Variants in SLC12A2 observed in about 807,000 individuals in gnomAD.
SLC12A2 encodes solute carrier family 12 member 2.
In SLC12A2, 67 loss-of-function variants were observed where a neutral mutation model predicts 136.3. The observed-to-expected ratio is 0.49, with a 90% CI of 0.40 to 0.60. The LOEUF (loss-of-function observed/expected upper bound fraction) is 0.60. Among genes scored for constraint, SLC12A2 ranks in the 20% least tolerant of loss-of-function variants. The pLI is 0.00. For missense variants in SLC12A2, 1,322 were observed against 1,534.7 expected, an observed-to-expected ratio of 0.86 and a Z score of 2.32; for synonymous variants, 619 against 562.9, an observed-to-expected ratio of 1.10 and a Z score of -1.41.
intron 14 of SLC12A2, 152 bp from the exon 15 acceptor site, chr5:128,152,554 G>A: frequency 1.7e-6 from 1 of 604,472 alleles, no homozygotes; most frequent in Middle Eastern, 3.4e-4. Context: ...TTAATATCTT[G>A]CTGTATATGT....
At chr5:128,154,639 G>C (rs1168679504) in intron 15 of SLC12A2, among the ~76,000 whole-genome samples, 1 of 152,084 alleles carries the variant, frequency 6.6e-6, no homozygotes, top group Non-Finnish European at 1.5e-5. Context: ...ATCCACAGGG[G>C]TTGTGTTCCA....
intron 6 of SLC12A2, among the ~76,000 whole-genome samples, chr5:128,135,119 A>C (rs933723829): frequency 6.6e-5 from 10 of 152,070 alleles, no homozygotes; most frequent in Non-Finnish European, 1.5e-4. Flanking sequence ...ATGAGTGTTC[A>C]GGTTTATTGA....
At chr5:128,167,504 T>C (rs1171251666) in intron 17 of SLC12A2, among the ~76,000 whole-genome samples, 2 of 152,148 alleles carry the variant, frequency 1.3e-5, no homozygotes, top group East Asian at 3.8e-4. Flanking sequence ...TGGTAGATCA[T>C]AAAAGTACAA....
At chr5:128,147,877 G>A (rs1244224502) in intron 11 of SLC12A2, 148 bp downstream of exon 11, 7 of 431,152 alleles carry the variant, frequency 1.6e-5, no homozygotes, top group Non-Finnish European at 2.9e-5. Flanking sequence ...GATATACATA[G>A]TTAATTTTAT....
At chr5:128,137,839 G>A (rs1240756215) in intron 7 of SLC12A2, among the ~76,000 whole-genome samples, 2 of 152,154 alleles carry the variant, frequency 1.3e-5, no homozygotes, top group African/African-American at 2.4e-5. Flanking sequence ...TGACTAGACA[G>A]CAGAGAAAGC....
chr5:128,123,598 CA>C (rs1478111901), intron 4 of SLC12A2, among the ~76,000 whole-genome samples: 1 of 152,124 alleles, frequency 6.6e-6, no homozygotes, highest in Non-Finnish European at 1.5e-5. Context: ...GGTATCTTCT[CA>C]TGTACTATAA....
chr5:128,172,460 A>G (rs1322514723), intron 19 of SLC12A2, among the ~76,000 whole-genome samples: 3 of 152,344 alleles, frequency 2.0e-5, no homozygotes, highest in East Asian at 3.9e-4. Flanking sequence ...TGCAATAAAG[A>G]TACAGAACTG....
At chr5:128,133,079 T>A (rs1203843299) in intron 5 of SLC12A2, among the ~76,000 whole-genome samples, 1 of 152,118 alleles carries the variant, frequency 6.6e-6, no homozygotes, top group Admixed American at 6.5e-5. Flanking sequence ...TTTTTTCAAG[T>A]AATTCTCAGA....
Position 128,085,360 on chromosome 5 carries a change from C to T in SLC12A2, c.756+650C>T, listed in dbSNP as rs182580600. On this transcript the variant is annotated intron_variant, in intron 1 of 26. Coordinates refer to ENST00000262461, the MANE Select transcript of SLC12A2 (RefSeq NM_001046.3). ...AGGTGTATATTTAAAAAAAAAGGGA[C>T]AGAGGCGAGTCTTTAAAGAAAAAAG... 2.0e-5 allele frequency among the ~76,000 whole-genome samples: 3 copies of T among 151,596 alleles called. No individual in the cohort carries two copies. The East Asian group carries it at 5.8e-4, about 29-fold the overall frequency.
At chr5:128,121,591 G>T (rs1268200049) in intron 4 of SLC12A2, among the ~76,000 whole-genome samples, 1 of 152,046 alleles carries the variant, frequency 6.6e-6, no homozygotes, top group Non-Finnish European at 1.5e-5. Flanking sequence ...CAAAGTGCTG[G>T]GATTACAGGC....
At chr5:128,179,045 T>G (rs1164460281) in intron 22 of SLC12A2, among the ~76,000 whole-genome samples, 1 of 152,268 alleles carries the variant, frequency 6.6e-6, no homozygotes, top group Non-Finnish European at 1.5e-5. Context: ...TGTGCTCTTC[T>G]GTCTACATCT....
rs1761208035 is a variant in SLC12A2 at position 128,112,930 on chromosome 5, A to G, written c.873A>G (p.Val291=). The change falls in exon 2 of 27, where the codon GTA becomes GTG. Residue 291 remains valine, a synonymous_variant. Coordinates refer to ENST00000262461, the MANE Select transcript of SLC12A2 (RefSeq NM_001046.3). The part of the protein sequence containing the change: ...GVVKFGWIKG[V]LVRCMLNIWG... ...TGAAGTTTGGCTGGATCAAGGGTGT[A>G]TTAGTATGTATATATAGACTTAATT... is the stretch of plus-strand genomic sequence containing the variant. 1.2e-6 allele frequency: 2 copies of G among 1,605,144 alleles called. No homozygotes were observed. The highest frequency in any genetic ancestry group is 1.7e-6 in the Non-Finnish European group (2 of 1,177,122).
At position 128,161,798 on chromosome 5, in the gene SLC12A2, C is replaced by T; in HGVS notation, c.2614C>T (p.Gln872Ter). Residue 872 changes from glutamine to a stop codon, truncating the protein, a stop_gained and splice_region_variant, in exon 17 of 27, where the codon CAG (glutamine) becomes TAG (stop). Coordinates refer to ENST00000262461, the MANE Select transcript of SLC12A2 (RefSeq NM_001046.3). LOFTEE classifies it high-confidence loss of function. ...GAGAGAAGGTGCACAGTATTTGATGCAGGTAACTTTGTTAATGCTTTTCAA... is the reference window on the plus strand; with the variant it reads ...GAGAGAAGGTGCACAGTATTTGATGTAGGTAACTTTGTTAATGCTTTTCAA... ...DLREGAQYLM[Q>*]AAGLGRMKPN... The T allele has an allele frequency of 6.9e-7, 1 of 1,444,688 alleles. No individual in the cohort carries two copies. The highest frequency in any genetic ancestry group is 9.1e-7 in the Non-Finnish European group (1 of 1,099,164). The allele number at this position is 1,444,688 out of a possible 1,614,324, so 89.5% of individuals were successfully genotyped here. A position where few individuals can be genotyped will look rare whatever the true frequency, so the allele number is the denominator to read the frequency against.
intron 1 of SLC12A2, among the ~76,000 whole-genome samples, chr5:128,105,940 C>T (rs1277179430): frequency 6.6e-6 from 1 of 152,160 alleles, no homozygotes. Flanking sequence ...CTCTAATTGT[C>T]CCATAGCTCC....
At chr5:128,107,979 G>A (rs1340803924) in intron 1 of SLC12A2, among the ~76,000 whole-genome samples, 1 of 152,070 alleles carries the variant, frequency 6.6e-6, no homozygotes, top group Non-Finnish European at 1.5e-5. Flanking sequence ...CATTCTAACT[G>A]GCATGAGATG....
chr5:128,126,941 C>CATATATATATATAT (rs1243756791), intron 4 of SLC12A2, among the ~76,000 whole-genome samples: 4 of 41,006 alleles, frequency 9.8e-5, no homozygotes, highest in African/African-American at 8.6e-4. Flanking sequence ...TCACAACCTA[C>CATATATATATATAT]ATATATATAT....
rs188096647 is a variant in SLC12A2 at position 128,152,598 on chromosome 5, A to G, written c.2264-108A>G. 4.1e-3 allele frequency: 3,007 copies of G among 737,460 alleles called. 15 individuals are homozygous for G. Among genetic ancestry groups the G allele is most frequent in the Non-Finnish European group, 5.7e-3 (2,266 of 398,460 alleles). The allele number at this position is 737,460 out of a possible 1,614,324, so 45.7% of individuals were successfully genotyped here. A position where few individuals can be genotyped will look rare whatever the true frequency, so the allele number is the denominator to read the frequency against. On this transcript the variant is annotated intron_variant, in intron 14 of 26. Coordinates refer to ENST00000262461, the MANE Select transcript of SLC12A2 (RefSeq NM_001046.3). ...GAAAGTACAATAGTGTATTTCAGCAATTGACTTTTTAAATGTGAAAGCATG... is the reference window on the plus strand; with the variant it reads ...GAAAGTACAATAGTGTATTTCAGCAGTTGACTTTTTAAATGTGAAAGCATG...
At chr5:128,126,966 A>ATATATATTTTTTT in intron 4 of SLC12A2, among the ~76,000 whole-genome samples, 1 of 21,154 alleles carries the variant, frequency 4.7e-5, no homozygotes, top group Non-Finnish European at 7.7e-5. Context: ...ATATATATAT[A>ATATATATTTTTTT]TTTTTTTTTT....
Position 128,126,971 on chromosome 5 carries a change from T to TATATAA in SLC12A2, c.1049-4096_1049-4095insATATAA, listed in dbSNP as rs1347112296. ...ATATATATATATATATATATATTTTTTTTTTTTTTTTTTTTTGCATCTAAA... is the reference window on the plus strand; with the variant it reads ...ATATATATATATATATATATATTTTTATATAATTTTTTTTTTTTTTTTGCATCTAAA... On this transcript the variant is annotated intron_variant, in intron 4 of 26. Transcript: ENST00000262461. 2.3e-4 allele frequency among the ~76,000 whole-genome samples: 28 copies of TATATAA among 122,998 alleles called. 1 individual carries two copies. The highest frequency in any genetic ancestry group is 1.1e-3 in the African/African-American group (28 of 26,056). 80.7% of individuals were successfully genotyped at this position (122,998 alleles called of 152,430 possible).
Sources: gnomAD v4.1 joint callset for allele counts (sites outside exome capture counted in the v4.1 genomes callset) on GRCh38, gnomAD v4.1.1 for gene constraint, MANE v1.5 for transcripts, NCBI Gene and HGNC (gene_info 2026-07-23, HGNC 2026-07-21) for gene names.